Variants in HS3ST4 observed in about 807,000 individuals in gnomAD.
HS3ST4 encodes heparan sulfate-glucosamine 3-sulfotransferase 4, also known as heparan sulfate glucosamine 3-O-sulfotransferase 4.
In HS3ST4, 17 loss-of-function variants were observed where a neutral mutation model predicts 29.2. The observed-to-expected ratio is 0.58, with a 90% confidence interval of 0.40 to 0.87. The LOEUF is 0.87. HS3ST4 is among the 40% of genes least tolerant of loss of function. The pLI is 0.00. For missense variants in HS3ST4, 627 were observed against 634.5 expected (o/e 0.99, Z 0.13); for synonymous variants, 314 against 285.7 (o/e 1.10, Z -1.00).
intron 1 of HS3ST4, among the ~76,000 whole-genome samples, chr16:25,723,071 T>C (rs1350370359): frequency 1.3e-5 from 2 of 152,154 alleles, no homozygotes; most frequent in East Asian, 1.9e-4. Context: ...GTGAGACTTA[T>C]TCACTACCGT....
intron 1 of HS3ST4, among the ~76,000 whole-genome samples, chr16:26,112,250 ATGTGTGTGTGTG>A (rs35207548): frequency 6.7e-6 from 1 of 148,352 alleles, no homozygotes; most frequent in African/African-American, 2.5e-5. Flanking sequence ...GTGTGTGTGT[ATGTGTGTGTGTG>A]TGTGTGTGTG....
chr16:25,872,972 G>A (rs897251372), intron 1 of HS3ST4, among the ~76,000 whole-genome samples: 7 of 152,054 alleles, frequency 4.6e-5, no homozygotes, highest in African/African-American at 1.4e-4. Context: ...TGTAATCTCA[G>A]TTGAAGTCTC....
intron 1 of HS3ST4, among the ~76,000 whole-genome samples, chr16:25,767,127 T>C (rs1490000595): frequency 6.6e-6 from 1 of 152,230 alleles, no homozygotes; most frequent in African/African-American, 2.4e-5. Context: ...ATTTCTGCCT[T>C]TAAATTCCCA....
At chr16:25,938,457 G>A (rs1021772302) in intron 1 of HS3ST4, among the ~76,000 whole-genome samples, 1 of 152,136 alleles carries the variant, frequency 6.6e-6, no homozygotes, top group African/African-American at 2.4e-5. Context: ...TAAAACCACA[G>A]GCAGGAGCTC....
chr16:26,113,528 C>T (rs1183183005), intron 1 of HS3ST4, among the ~76,000 whole-genome samples: 1 of 146,772 alleles, frequency 6.8e-6, no homozygotes, highest in Non-Finnish European at 1.5e-5. Flanking sequence ...GGAAGATAAA[C>T]ACAAAATTCA....
In HS3ST4 at chr16:26,054,269, G is replaced by GGAGAGAGAGAGAGAGAGAGA. The variant is rs58364733; in HGVS notation, c.735-81332_735-81313dup. The stretch of plus-strand genomic sequence containing the variant: ...GAAGGAGAGAGAGAGACAGAGAGAG[G>GGAGAGAGAGAGAGAGAGAGA]GAGAGAGAGAGAGAGAGAGAGAGAG... On this transcript the variant is annotated intron_variant, in intron 1 of 1. Coordinates refer to ENST00000331351, the MANE Select transcript of HS3ST4 (RefSeq NM_006040.3). 3.0e-4 allele frequency among the ~76,000 whole-genome samples: 40 copies of GGAGAGAGAGAGAGAGAGAGA among 133,732 alleles called. 1 individual carries two copies. The highest frequency in any genetic ancestry group is 8.8e-4 in the African/African-American group (31 of 35,054). 87.7% of individuals were successfully genotyped at this position (133,732 alleles called of 152,430 possible).
chr16:26,049,433 G>A (rs188532404), intron 1 of HS3ST4, among the ~76,000 whole-genome samples: 18 of 150,798 alleles, frequency 1.2e-4, no homozygotes, highest in East Asian at 9.9e-4. Context: ...AGATGTGCCC[G>A]TGCATTTGTA....
chr16:25,702,846 G>A (rs1289336528), intron 1 of HS3ST4, among the ~76,000 whole-genome samples: 5 of 152,020 alleles, frequency 3.3e-5, no homozygotes, highest in African/African-American at 1.2e-4. Context: ...AGTGGATTAA[G>A]AGTTGAGCTA....
intron 1 of HS3ST4, among the ~76,000 whole-genome samples, chr16:25,998,452 C>T (rs771083670): frequency 2.6e-5 from 4 of 152,154 alleles, no homozygotes; most frequent in Admixed American, 6.5e-5. Context: ...TTGAGTTAGT[C>T]GTTGAATAGC....
At chr16:25,882,487 GT>G (rs1967904278) in intron 1 of HS3ST4, among the ~76,000 whole-genome samples, 1 of 152,126 alleles carries the variant, frequency 6.6e-6, no homozygotes, top group Admixed American at 6.6e-5. Flanking sequence ...TGGGCCATTA[GT>G]TTGCCGATGG....
At chr16:25,878,949 T>C (rs773955964) in intron 1 of HS3ST4, among the ~76,000 whole-genome samples, 4 of 152,154 alleles carry the variant, frequency 2.6e-5, no homozygotes, top group Non-Finnish European at 4.4e-5. Flanking sequence ...GGAAGCTCTG[T>C]GCTCTGTCTG....
intron 1 of HS3ST4, among the ~76,000 whole-genome samples, chr16:25,902,798 A>T (rs763397858): frequency 6.6e-6 from 1 of 151,858 alleles, no homozygotes; most frequent in Non-Finnish European, 1.5e-5. Flanking sequence ...AGAACAAAAA[A>T]AACAACGTCT....
At chr16:25,993,370 T>G (rs1366420256) in intron 1 of HS3ST4, among the ~76,000 whole-genome samples, 2 of 152,068 alleles carry the variant, frequency 1.3e-5, no homozygotes, top group Non-Finnish European at 2.9e-5. Context: ...AGCTTTTACT[T>G]CACATCCAAA....
chr16:25,790,238 C>T (rs113364449), intron 1 of HS3ST4, among the ~76,000 whole-genome samples: 19,648 of 151,982 alleles, frequency 0.13, 1,742 homozygotes, highest in Non-Finnish European at 0.19. Context: ...TGGTGAAACC[C>T]CGTCTCTACA....
At chr16:25,774,018 C>A (rs1449329180) in intron 1 of HS3ST4, among the ~76,000 whole-genome samples, 1 of 152,140 alleles carries the variant, frequency 6.6e-6, no homozygotes, top group Non-Finnish European at 1.5e-5. Context: ...TGTTTTCTGG[C>A]ACTTTCTTGT....
intron 1 of HS3ST4, among the ~76,000 whole-genome samples, chr16:26,094,595 AC>A (rs1898900751): frequency 6.6e-6 from 1 of 152,242 alleles, no homozygotes; most frequent in Non-Finnish European, 1.5e-5. Flanking sequence ...GGCCTGCTTT[AC>A]AAGAGCTCCT....
At chr16:25,828,588 A>G (rs1967260356) in intron 1 of HS3ST4, among the ~76,000 whole-genome samples, 1 of 151,632 alleles carries the variant, frequency 6.6e-6, no homozygotes, top group African/African-American at 2.4e-5. Context: ...CAATCCACCC[A>G]CCTCAGGCTC....
chr16:26,072,806 A>G (rs1324707070), intron 1 of HS3ST4, among the ~76,000 whole-genome samples: 1 of 152,234 alleles, frequency 6.6e-6, no homozygotes, highest in Non-Finnish European at 1.5e-5. Flanking sequence ...TTTGAAGAAA[A>G]TCAGAAAAAT....
intron 1 of HS3ST4, among the ~76,000 whole-genome samples, chr16:25,818,346 G>A (rs1039087770): frequency 7.2e-5 from 11 of 152,198 alleles, no homozygotes; most frequent in Non-Finnish European, 1.6e-4. Flanking sequence ...CACACAGCTA[G>A]AAGGTGTCAT....
Sources: allele counts gnomAD v4.1 joint callset (sites outside exome capture counted in the v4.1 genomes callset), GRCh38; gene constraint gnomAD v4.1.1; transcripts MANE v1.5; gene names NCBI Gene and HGNC (gene_info 2026-07-23, HGNC 2026-07-21).